Variants in SKAP1 observed in about 807,000 individuals in gnomAD.
The protein encoded by SKAP1 is src kinase-associated phosphoprotein 1.
Under a neutral mutation model 58.5 loss-of-function variants are expected in SKAP1, and 44 were observed. The ratio of observed to expected loss-of-function variants is 0.75; its 90% CI spans 0.59 to 0.97. The LOEUF (loss-of-function observed/expected upper bound fraction) is 0.97, where lower values mean the gene tolerates loss of function less well. Ranked by LOEUF, SKAP1 falls within the 50% of genes least tolerant of loss-of-function variation. The pLI is 0.00. For synonymous variants in SKAP1, 127 were observed against 149.7 expected (o/e 0.85, Z 1.11); for missense variants, 390 against 435.2 (o/e 0.90, Z 0.92).
intron 4 of SKAP1, among the ~76,000 whole-genome samples, chr17:48,253,609 T>C (rs2065391303): frequency 6.6e-6 from 1 of 152,148 alleles, no homozygotes; most frequent in Non-Finnish European, 1.5e-5. Flanking sequence ...CTCTTAGGCA[T>C]AGGTGCCGGA....
intron 4 of SKAP1, among the ~76,000 whole-genome samples, chr17:48,197,257 C>CA (rs35979686): frequency 0.13 from 13,064 of 97,484 alleles, 1,411 homozygotes; most frequent in East Asian, 0.4. Context: ...GACTCCGACT[C>CA]AAAAAAAAAA....
At chr17:48,321,712 C>T (rs563248893) in intron 4 of SKAP1, among the ~76,000 whole-genome samples, 25 of 152,086 alleles carry the variant, frequency 1.6e-4, no homozygotes, top group African/African-American at 5.1e-4. Context: ...ATGGTCTCTC[C>T]AGTCCATCTC....
intron 11 of SKAP1, among the ~76,000 whole-genome samples, chr17:48,145,229 T>G (rs1012247254): frequency 1.3e-5 from 2 of 152,120 alleles, no homozygotes; most frequent in Non-Finnish European, 2.9e-5. Context: ...ACAACCCACA[T>G]GAAGAAGTCT....
intron 4 of SKAP1, among the ~76,000 whole-genome samples, chr17:48,241,224 G>A (rs1481093276): frequency 6.6e-6 from 1 of 152,018 alleles, no homozygotes; most frequent in Non-Finnish European, 1.5e-5. Context: ...TCCTCAAACA[G>A]GAAGTCAAAG....
intron 4 of SKAP1, among the ~76,000 whole-genome samples, chr17:48,235,619 G>A (rs2065171827): frequency 6.6e-6 from 1 of 152,134 alleles, no homozygotes; most frequent in Non-Finnish European, 1.5e-5. Flanking sequence ...GTTAAAGTAG[G>A]ACAAGCATGA....
intron 2 of SKAP1, among the ~76,000 whole-genome samples, chr17:48,393,590 C>G (rs1484510041): frequency 2.0e-5 from 3 of 152,060 alleles, no homozygotes; most frequent in Non-Finnish European, 4.4e-5. Flanking sequence ...ATGGCAAATA[C>G]CAGTGAATGC....
chr17:48,440,849 C>T, the SKAP1 span, among the ~76,000 whole-genome samples: 1 of 152,126 alleles, frequency 6.6e-6, no homozygotes, highest in African/African-American at 2.4e-5. Context: ...TTTTCTAAGC[C>T]AGCCCAGAGT....
At chr17:48,407,736 C>T (rs1314220867) in intron 1 of SKAP1, among the ~76,000 whole-genome samples, 1 of 152,076 alleles carries the variant, frequency 6.6e-6, no homozygotes, top group Non-Finnish European at 1.5e-5. Context: ...TGTCTGTAGT[C>T]CCAGCTACTT....
intron 3 of SKAP1, among the ~76,000 whole-genome samples, chr17:48,351,425 ATC>A (rs1335201623): frequency 2.0e-5 from 3 of 151,452 alleles, no homozygotes; most frequent in Non-Finnish European, 4.4e-5. Flanking sequence ...CTTTCTGCCT[ATC>A]TCTCTTTTTT....
intron 4 of SKAP1, among the ~76,000 whole-genome samples, chr17:48,247,814 C>G (rs1436627403): frequency 6.6e-6 from 1 of 152,176 alleles, no homozygotes; most frequent in Non-Finnish European, 1.5e-5. Flanking sequence ...TGGAATCTCT[C>G]TTCATGAATT....
intron 1 of SKAP1, among the ~76,000 whole-genome samples, chr17:48,418,220 A>T (rs1187272624): frequency 6.6e-6 from 1 of 152,136 alleles, no homozygotes; most frequent in Non-Finnish European, 1.5e-5. Context: ...AGCCTGGAAG[A>T]TTAAGGCTGC....
At chr17:48,316,404 C>A (rs1364358568) in intron 4 of SKAP1, among the ~76,000 whole-genome samples, 1 of 152,158 alleles carries the variant, frequency 6.6e-6, no homozygotes, top group Non-Finnish European at 1.5e-5. Flanking sequence ...TTAGATCAAC[C>A]CATGGCTTGA....
chr17:48,233,965 T>C (rs1289615050), intron 4 of SKAP1, among the ~76,000 whole-genome samples: 1 of 152,146 alleles, frequency 6.6e-6, no homozygotes, highest in Non-Finnish European at 1.5e-5. Context: ...GAGTGTTTGG[T>C]TTTTTTGGCA....
intron 3 of SKAP1, among the ~76,000 whole-genome samples, chr17:48,354,468 C>T (rs1159688652): frequency 6.6e-6 from 1 of 152,130 alleles, no homozygotes; most frequent in African/African-American, 2.4e-5. Flanking sequence ...TAGGAAAATA[C>T]ATTTTAGAGA....
intron 4 of SKAP1, among the ~76,000 whole-genome samples, chr17:48,278,773 A>C (rs1161477420): frequency 6.6e-6 from 1 of 152,288 alleles, no homozygotes; most frequent in East Asian, 1.9e-4. Flanking sequence ...ACCATTTACC[A>C]AGAGAAAGAA....
At chr17:48,241,072 T>C (rs2065239373) in intron 4 of SKAP1, among the ~76,000 whole-genome samples, 1 of 152,124 alleles carries the variant, frequency 6.6e-6, no homozygotes, top group South Asian at 2.1e-4. Context: ...CCACCTTATA[T>C]ATTAAAAAGA....
chr17:48,412,640 A>C lies in SKAP1; in HGVS notation c.47-15855T>G, dbSNP rs140024161. 1.4e-4 allele frequency among the ~76,000 whole-genome samples: 22 copies of C among 152,288 alleles called. No homozygotes were observed. The East Asian group carries it at 4.0e-3, about 28-fold the overall frequency. On this transcript the variant is annotated intron_variant, in intron 1 of 12. Coordinates refer to ENST00000336915, the MANE Select transcript of SKAP1 (RefSeq NM_003726.4). ...ATGATTAATACTATACCTATATATA[A>C]TTTTGAACATCAACTCTTCTTACTA...
chr17:48,147,087 G>T (rs938546875), intron 11 of SKAP1, among the ~76,000 whole-genome samples: 1 of 152,148 alleles, frequency 6.6e-6, no homozygotes, highest in South Asian at 2.1e-4. Context: ...CCAAGTCTCC[G>T]TGGAACAAGA....
chr17:48,296,605 A>G (rs1289159556), intron 4 of SKAP1, among the ~76,000 whole-genome samples: 3 of 152,254 alleles, frequency 2.0e-5, no homozygotes, highest in East Asian at 1.9e-4. Flanking sequence ...ACTCAGTAGC[A>G]TTTGAACTAT....
Sources: allele counts gnomAD v4.1 joint callset (sites outside exome capture counted in the v4.1 genomes callset), GRCh38; gene constraint gnomAD v4.1.1; transcripts MANE v1.5; gene names NCBI Gene and HGNC (gene_info 2026-07-23, HGNC 2026-07-21).